INTS3: variants seen among roughly 807,000 people sequenced by gnomAD.
INTS3 encodes SOSS complex subunit A.
INTS3 carries 34 observed loss-of-function variants against 146.3 expected under a neutral mutation model. The observed-to-expected ratio is 0.23, with a 90% CI of 0.18 to 0.31. The LOEUF is 0.31. INTS3 is among the 10% of genes least tolerant of loss of function. The pLI, the probability that INTS3 is intolerant of heterozygous loss-of-function variation, is 1.00. For missense variants in INTS3, 757 were observed against 1,304.2 expected, an observed-to-expected ratio of 0.58 and a Z score of 6.46; for synonymous variants, 475 against 494.9, an observed-to-expected ratio of 0.96 and a Z score of 0.53.
chr1:153,739,833 C>T (rs981962826), intron 1 of INTS3, among the ~76,000 whole-genome samples: 27 of 151,394 alleles, frequency 1.8e-4, no homozygotes, highest in African/African-American at 6.3e-4. Flanking sequence ...CTCGCTCTGT[C>T]GCCCAGGCTG....
chr1:153,760,843 A>G lies in INTS3; in HGVS notation c.1334A>G (p.Tyr445Cys), dbSNP rs571511833. ...DFMCRIIPNF[Y>C]PPLEGHVRQG... ...CGCTTCCAGATCATTCCCAACTTCT[A>G]TCCACCATTGGAGGGCCACGTGCGG... Residue 445 changes from tyrosine to cysteine, a missense_variant, in exon 13 of 30, where the codon TAT (tyrosine) becomes TGT (cysteine). Tyr to Cys is a radical substitution (Grantham distance 194). This residue lies in a region of INTS3 where 97 missense variants were observed against 113.6 expected (regional missense o/e 0.85). Coordinates refer to ENST00000318967, the MANE Select transcript of INTS3 (RefSeq NM_023015.5). 1.2e-5 allele frequency: 20 copies of G among 1,613,882 alleles called. No individual in the cohort carries two copies. The highest frequency in any genetic ancestry group is 8.9e-5 in the East Asian group (4 of 44,874).
Position 153,764,057 on chromosome 1 carries a change from C to T in INTS3, c.1822-61C>T, listed in dbSNP as rs533530272. 7.8e-6 allele frequency: 11 copies of T among 1,415,450 alleles called. No individual in the cohort carries two copies. The African/African-American group carries it at 9.9e-5, about 13-fold the overall frequency. 87.7% of individuals were successfully genotyped at this position (1,415,450 alleles called of 1,614,324 possible). ...AGCAGATGAGTTCCAAGACTGGGAT[C>T]GTGGGGGCAGGAGGGCTTGGGTGTA... On this transcript the variant is annotated intron_variant, in intron 17 of 29. Transcript: ENST00000318967.
At chr1:153,753,655 C>CT (rs1156512014) in intron 8 of INTS3, 6,789 of 133,940 alleles carry the variant, frequency 0.051, 225 homozygotes, top group Middle Eastern at 0.073. Flanking sequence ...AGGCAGGTCT[C>CT]TTTTTTTTTT....
intron 5 of INTS3, chr1:153,747,650 T>G (rs1671799458): frequency 2.2e-6 from 1 of 461,566 alleles, no homozygotes. Context: ...TGAGATTTTA[T>G]AGCATTTCAG....
intron 1 of INTS3, among the ~76,000 whole-genome samples, chr1:153,732,808 CTT>C (rs35259045): frequency 1.4e-5 from 2 of 143,954 alleles, no homozygotes; most frequent in African/African-American, 2.6e-5. Context: ...GGAATTTAGT[CTT>C]TTTTTTTTTT....
intron 11 of INTS3, chr1:153,760,002 TG>T: frequency 2.0e-6 from 1 of 503,888 alleles, no homozygotes; most frequent in Non-Finnish European, 3.5e-6. Context: ...TCAGTGGAAA[TG>T]GGGGGAATAG....
chr1:153,763,667 A>G (rs1672472251), intron 16 of INTS3, among the ~76,000 whole-genome samples, 165 bp from the exon 17 acceptor site: 1 of 152,214 alleles, frequency 6.6e-6, no homozygotes, highest in Non-Finnish European at 1.5e-5. Flanking sequence ...CCCAGAGAGC[A>G]GCCAATTCTG....
chr1:153,772,652 G>A lies in INTS3; in HGVS notation c.2835G>A (p.Thr945=), dbSNP rs6663011. 9.3e-6 allele frequency: 15 copies of A among 1,614,020 alleles called. No homozygotes were observed. Among genetic ancestry groups the A allele is most frequent in the Middle Eastern group, 1.6e-4 (1 of 6,062 alleles). Residue 945 remains threonine, a synonymous_variant, in exon 28 of 30, where the codon ACG becomes ACA. Coordinates refer to ENST00000318967, the MANE Select transcript of INTS3 (RefSeq NM_023015.5). The surrounding 1 kb of genome is among the most constrained non-coding windows in gnomAD (Gnocchi z 4.6). ...TNTKQNFFSQ[T]PILQALQHVQ... The stretch of plus-strand genomic sequence containing the variant: ...TTCTTCCTCTAGTTTTTAGCCAGAC[G>A]CCAATTCTCCAGGCGCTGCAGCATG...
intron 18 of INTS3, 80 bp downstream of exon 18, chr1:153,764,301 T>G (rs542455423): frequency 1.1e-6 from 1 of 921,470 alleles, no homozygotes; most frequent in South Asian, 1.3e-5. Flanking sequence ...GACCCCTTAC[T>G]GTAGACTTGA....
At chr1:153,748,483 A>T in intron 5 of INTS3, 1 of 631,568 alleles carries the variant, frequency 1.6e-6, no homozygotes, top group Non-Finnish European at 2.9e-6. Flanking sequence ...TTTCTAGAAA[A>T]ATTCAGAACC....
intron 1 of INTS3, among the ~76,000 whole-genome samples, chr1:153,737,687 C>T (rs1393954401): frequency 1.3e-5 from 2 of 152,058 alleles, no homozygotes; most frequent in Admixed American, 1.3e-4. Context: ...TTAGTAGAGA[C>T]GGGGTTTTGC....
intron 1 of INTS3, among the ~76,000 whole-genome samples, chr1:153,732,403 A>C (rs1296640003): frequency 6.6e-6 from 1 of 151,546 alleles, no homozygotes; most frequent in Non-Finnish European, 1.5e-5. Context: ...AATACTTTGA[A>C]CGCAGCTTGT....
chr1:153,730,702 A>G (rs1273953280), intron 1 of INTS3, among the ~76,000 whole-genome samples: 1 of 152,094 alleles, frequency 6.6e-6, no homozygotes, highest in East Asian at 1.9e-4. Flanking sequence ...TGAACTTCCA[A>G]CTGTTTCCAG....
chr1:153,764,727 A>C lies in INTS3; in HGVS notation c.1963A>C (p.Ile655Leu), dbSNP rs1395404621. The C allele has an allele frequency of 1.9e-6, 3 of 1,608,364 alleles. No individual in the cohort carries two copies. In the South Asian group the frequency reaches 3.3e-5, roughly 18 times the overall value. Reference sequence around the variant, plus strand: ...GTCTGTAGGAAAGCCTCTGTACCTAATATTTAGGTAAGCACGCAGCTATAG... The same window carrying C: ...GTCTGTAGGAAAGCCTCTGTACCTACTATTTAGGTAAGCACGCAGCTATAG... ...EESVGKPLYLIFRNLCQMQED... is the reference protein window; with the variant it reads ...EESVGKPLYLLFRNLCQMQED... Residue 655 changes from isoleucine to leucine, a missense_variant, in exon 19 of 30, where the codon ATA becomes CTA. This residue lies in a region of INTS3 where 89 missense variants were observed against 210.9 expected (regional missense o/e 0.42). Coordinates refer to ENST00000318967, the MANE Select transcript of INTS3 (RefSeq NM_023015.5).
chr1:153,772,675 A>T lies in INTS3; in HGVS notation c.2858A>T (p.His953Leu). 2 of 1,614,186 alleles carry T rather than the reference A, an allele frequency of 1.2e-6. No individual in the cohort carries two copies. Among genetic ancestry groups the T allele is most frequent in the Non-Finnish European group, 1.7e-6 (2 of 1,180,036 alleles). The part of the protein sequence containing the change: ...SQTPILQALQ[H>L]VQASCDEAHK... ...ACGCCAATTCTCCAGGCGCTGCAGC[A>T]TGTCCAAGCGAGCTGTGACGAAGCC... Residue 953 changes from histidine (H) to leucine (L), a missense_variant, in exon 28 of 30, where the codon CAT becomes CTT. Transcript: ENST00000318967. The surrounding 1 kb of genome is among the most constrained non-coding windows in gnomAD (Gnocchi z 4.6).
Position 153,772,001 on chromosome 1 carries a change from G to T in INTS3, c.2720+38G>T. 3 of 1,571,538 alleles carry T rather than the reference G, an allele frequency of 1.9e-6. No individual in the cohort carries two copies. The highest frequency in any genetic ancestry group is 1.4e-5 in the African/African-American group (1 of 73,416). ...CCCTGTCTACCCTCCAGGCCATGGC[G>T]GTCTGCAGTGATTGCTGTCGGTGGT... On this transcript the variant is annotated intron_variant, in intron 26 of 29. Transcript: ENST00000318967. This position sits in a 1 kb window ranked among gnomAD's most constrained non-coding sequence, Gnocchi z 4.6.
intron 12 of INTS3, 63 bp from the exon 13 acceptor site, chr1:153,760,764 A>G (rs1351572273): frequency 2.9e-5 from 38 of 1,302,218 alleles, no homozygotes; most frequent in Non-Finnish European, 2.3e-5. Context: ...TTTCAGATCT[A>G]ATTCAGCGGA....
intron 1 of INTS3, among the ~76,000 whole-genome samples, chr1:153,730,185 C>G (rs1374371093): frequency 1.3e-5 from 2 of 152,222 alleles, no homozygotes; most frequent in Non-Finnish European, 2.9e-5. Context: ...CAAATGTCTA[C>G]TTGCAGTCTG....
At chr1:153,769,544 A>G (rs987270366) in intron 22 of INTS3, among the ~76,000 whole-genome samples, 1 of 152,012 alleles carries the variant, frequency 6.6e-6, no homozygotes, top group Non-Finnish European at 1.5e-5. Context: ...TTTTTGCCCA[A>G]AATAGTCCTA....
Sources: gnomAD v4.1 joint callset for allele counts (sites outside exome capture counted in the v4.1 genomes callset) on GRCh38, gnomAD v4.1.1 for gene constraint, gnomAD v4.1.1 regional missense constraint, Gnocchi (gnomAD v3.1) non-coding constraint, MANE v1.5 for transcripts, NCBI Gene and HGNC (gene_info 2026-07-23, HGNC 2026-07-21) for gene names.